GSE1: variants seen among roughly 807,000 people sequenced by gnomAD.
The protein encoded by GSE1 is genetic suppressor element 1.
In GSE1, 32 loss-of-function variants were observed where a neutral mutation model predicts 112.6. The ratio of observed to expected loss-of-function variants is 0.28; its 90% CI spans 0.21 to 0.38. The LOEUF is 0.38. Ranked by LOEUF, GSE1 falls within the 10% of genes least tolerant of loss-of-function variation. The probability of loss-of-function intolerance (pLI) is 1.00; values close to 1 mark genes in which losing one functional copy is unlikely to be tolerated. For missense variants in GSE1, 2,348 were observed against 1,699.2 expected (o/e 1.38, Z -6.71); for synonymous variants, 1,115 against 735.6 (o/e 1.52, Z -8.35).
In GSE1 at chr16:85,389,926, C is replaced by T. The variant is rs575900691; in HGVS notation, c.2464+32283C>T. ...CTGGGCAATGAGGCCTTACACAGACCCCGTGGAGTCAGGCTCTTCGTCTCG... is the reference window on the plus strand; with the variant it reads ...CTGGGCAATGAGGCCTTACACAGACTCCGTGGAGTCAGGCTCTTCGTCTCG... On this transcript the variant is annotated intron_variant, in intron 2 of 2. Coordinates refer to the GSE1 transcript ENST00000637419. Among the ~76,000 whole-genome samples the T allele has an allele frequency of 9.2e-5, 14 of 152,266 alleles. 1 individual carries two copies. The highest frequency in any genetic ancestry group is 3.1e-4 in the African/African-American group (13 of 41,536).
intron 2 of GSE1, among the ~76,000 whole-genome samples, chr16:85,488,987 C>G (rs942737234): frequency 6.6e-6 from 1 of 151,954 alleles, no homozygotes; most frequent in Non-Finnish European, 1.5e-5. Context: ...GATTCTTTCC[C>G]GCTCCATGAG....
At chr16:85,520,866 AGC>A (rs1423666657) in intron 2 of GSE1, among the ~76,000 whole-genome samples, 2 of 152,198 alleles carry the variant, frequency 1.3e-5, no homozygotes, top group African/African-American at 4.8e-5. Context: ...GAAACAGGGC[AGC>A]GTCCTAAGTA....
intron 2 of GSE1, among the ~76,000 whole-genome samples, chr16:85,403,592 C>G (rs1057268236): frequency 6.6e-6 from 1 of 152,098 alleles, no homozygotes; most frequent in Non-Finnish European, 1.5e-5. Flanking sequence ...GAGTTTGACA[C>G]CAGCCTGGGC....
At chr16:85,222,607 G>A (rs1259072969) in intron 1 of GSE1, among the ~76,000 whole-genome samples, 7 of 152,160 alleles carry the variant, frequency 4.6e-5, no homozygotes, top group East Asian at 3.9e-4. Context: ...TCTCTTTGTC[G>A]GATCAAACAA....
chr16:85,507,609 C>T (rs563862231), intron 2 of GSE1, among the ~76,000 whole-genome samples: 3 of 152,200 alleles, frequency 2.0e-5, no homozygotes, highest in South Asian at 2.1e-4. Context: ...TGGGGCCCCT[C>T]GCCTTGGTGT....
At chr16:85,614,025 C>T (rs924717244) in intron 1 of GSE1, among the ~76,000 whole-genome samples, 1 of 151,752 alleles carries the variant, frequency 6.6e-6, no homozygotes. Context: ...GGGCGCGCCC[C>T]GGGCTCGGCC....
intron 1 of GSE1, among the ~76,000 whole-genome samples, chr16:85,631,489 C>A (rs189482840): frequency 1.4e-3 from 214 of 152,374 alleles, no homozygotes; most frequent in African/African-American, 5.0e-3. Context: ...CATGTGCCCT[C>A]CCCATTGTGG....
intron 2 of GSE1, among the ~76,000 whole-genome samples, chr16:85,508,007 G>A (rs958880060): frequency 9.2e-5 from 14 of 152,244 alleles, no homozygotes; most frequent in South Asian, 4.1e-4. Flanking sequence ...TGCCGAGGTG[G>A]CCAGTGCCCC....
At chr16:85,394,735 C>G (rs77212092) in intron 2 of GSE1, among the ~76,000 whole-genome samples, 1 of 152,190 alleles carries the variant, frequency 6.6e-6, no homozygotes, top group African/African-American at 2.4e-5. Flanking sequence ...CCGTCTCCCC[C>G]GAGAACATCT....
At chr16:85,571,007 T>C (rs1452011622) in intron 1 of GSE1, among the ~76,000 whole-genome samples, 1 of 152,172 alleles carries the variant, frequency 6.6e-6, no homozygotes, top group Non-Finnish European at 1.5e-5. Context: ...TGGTTACTTT[T>C]GAAAAGGGAA....
chr16:85,432,460 C>T (rs1410016009), intron 2 of GSE1, among the ~76,000 whole-genome samples: 1 of 152,252 alleles, frequency 6.6e-6, no homozygotes, highest in Non-Finnish European at 1.5e-5. Context: ...CACTGTCTCC[C>T]AGGTGCCGAG....
chr16:85,559,964 C>T (rs2045432791), intron 1 of GSE1, among the ~76,000 whole-genome samples: 1 of 152,094 alleles, frequency 6.6e-6, no homozygotes, highest in African/African-American at 2.4e-5. Context: ...CGCTCTGTTG[C>T]AAGAAACAGA....
At chr16:85,661,887 G>C (rs907689758) in intron 9 of GSE1, 122 bp downstream of exon 9, 3 of 985,838 alleles carry the variant, frequency 3.0e-6, no homozygotes, top group East Asian at 2.7e-5. Context: ...GTAGTCCCAG[G>C]CCCCAGGTGG....
At position 85,633,314 on chromosome 16, in the gene GSE1, G is replaced by A. The variant is rs377490805; in HGVS notation, c.8-600G>A. Among the ~76,000 whole-genome samples the A allele has an allele frequency of 1.4e-4, 21 of 152,288 alleles. No individual in the cohort carries two copies. In the East Asian group the frequency reaches 2.7e-3, roughly 20 times the overall value. ...AGGGTCCCTGAGTGGCGGGGAGGCC[G>A]GGGGTCTGCCCTGAGTGCCCGCGTG... On this transcript the variant is annotated intron_variant, in intron 1 of 15. Coordinates refer to ENST00000253458, the MANE Select transcript of GSE1 (RefSeq NM_014615.5).
At chr16:85,631,055 C>T (rs935715859) in intron 1 of GSE1, among the ~76,000 whole-genome samples, 1 of 152,192 alleles carries the variant, frequency 6.6e-6, no homozygotes, top group African/African-American at 2.4e-5. Flanking sequence ...TCCTGTCTTC[C>T]AGGCAGCTCT....
upstream of GSE1, chr16:85,554,878 T>A: frequency 2.0e-6 from 2 of 985,130 alleles, no homozygotes; most frequent in Non-Finnish European, 2.4e-6. Flanking sequence ...CCGCCCACTG[T>A]TTGCAAACGG....
chr16:85,385,703 G>A (rs569609456), intron 2 of GSE1, among the ~76,000 whole-genome samples: 1 of 152,344 alleles, frequency 6.6e-6, no homozygotes, highest in Admixed American at 6.5e-5. Context: ...TCGCCTCCCC[G>A]CTCTCGCGAG....
At chr16:85,462,302 G>T (rs2049989375) in intron 2 of GSE1, among the ~76,000 whole-genome samples, 1 of 152,054 alleles carries the variant, frequency 6.6e-6, no homozygotes, top group African/African-American at 2.4e-5. Flanking sequence ...GTCTGGTAGG[G>T]AGGTGTCCTG....
At chr16:85,620,864 G>A (rs554335061) in intron 1 of GSE1, among the ~76,000 whole-genome samples, 16 of 150,134 alleles carry the variant, frequency 1.1e-4, no homozygotes, top group Non-Finnish European at 1.9e-4. Flanking sequence ...GGTGTCTGCT[G>A]TGTTGGGGAA....
Sources: gnomAD v4.1 joint callset for allele counts (sites outside exome capture counted in the v4.1 genomes callset) on GRCh38, gnomAD v4.1.1 for gene constraint, MANE v1.5 for transcripts, NCBI Gene and HGNC (gene_info 2026-07-23, HGNC 2026-07-21) for gene names.